The following IER3IP1 variants were observed in gnomAD, a reference collection of about 807,000 sequenced individuals.
IER3IP1 encodes immediate early response 3 interacting protein 1.
In IER3IP1, 16 loss-of-function variants were observed where a neutral mutation model predicts 12.2. That is an observed-to-expected ratio of 1.31 (90% CI 0.89 to 1.99). The LOEUF is 1.99. IER3IP1 is among the 30% of genes most tolerant of loss of function. The pLI is 0.00. For synonymous variants in IER3IP1, 42 were observed against 40.0 expected (o/e 1.05, Z -0.19); for missense variants, 95 against 95.8 (o/e 0.99, Z 0.03).
At chr18:47,163,001 G>C (rs1568072154) in intron 1 of IER3IP1, among the ~76,000 whole-genome samples, 1 of 152,026 alleles carries the variant, frequency 6.6e-6, no homozygotes, top group Non-Finnish European at 1.5e-5. Context: ...AGAAGTATGT[G>C]TACAGTAATC....
chr18:47,163,568 T>C (rs576004281), intron 1 of IER3IP1, among the ~76,000 whole-genome samples: 1 of 152,208 alleles, frequency 6.6e-6, no homozygotes, highest in Non-Finnish European at 1.5e-5. Flanking sequence ...ACTAGTATAC[T>C]TGTGCTCGCT....
intron 1 of IER3IP1, among the ~76,000 whole-genome samples, 165 bp downstream of exon 1, chr18:47,176,022 T>G (rs2064032041): frequency 6.6e-6 from 1 of 152,156 alleles, no homozygotes; most frequent in Non-Finnish European, 1.5e-5. Context: ...CTCCCGGCTG[T>G]TGAGCCCAAA....
Position 47,154,979 on chromosome 18 carries a change from C to G in IER3IP1, c.*1198G>C, listed in dbSNP as rs569156756. On this transcript the variant is annotated 3_prime_UTR_variant, in exon 3 of 3. Transcript: ENST00000256433. The stretch of plus-strand genomic sequence containing the variant: ...AAGAACATATAATAAGAGGTGTTCA[C>G]CCAAAATGGAGATTAATGCAGTTAA... 2.9e-4 allele frequency: 44 copies of G among 152,184 alleles called. No individual in the cohort carries two copies. Among genetic ancestry groups the G allele is most frequent in the African/African-American group, 1.0e-3 (42 of 41,532 alleles). The allele number at this position is 152,184 out of a possible 1,614,324, so 9.4% of individuals were successfully genotyped here.
At chr18:47,163,541 C>G (rs1209392209) in intron 1 of IER3IP1, among the ~76,000 whole-genome samples, 1 of 152,164 alleles carries the variant, frequency 6.6e-6, no homozygotes, top group Non-Finnish European at 1.5e-5. Flanking sequence ...GAAAGCGAAA[C>G]TGTGAAATAA....
chr18:47,166,090 T>C (rs1043067802), intron 1 of IER3IP1, among the ~76,000 whole-genome samples: 1 of 152,166 alleles, frequency 6.6e-6, no homozygotes, highest in African/African-American at 2.4e-5. Flanking sequence ...CAAAATCCAC[T>C]TCATTATGTG....
At chr18:47,158,040 A>G (rs987452012) in intron 1 of IER3IP1, among the ~76,000 whole-genome samples, 3 of 152,210 alleles carry the variant, frequency 2.0e-5, no homozygotes, top group African/African-American at 7.2e-5. Context: ...AGTCAATCAT[A>G]ATACCAAAAT....
chr18:47,175,071 G>A (rs1344434668), intron 1 of IER3IP1, among the ~76,000 whole-genome samples: 1 of 152,152 alleles, frequency 6.6e-6, no homozygotes, highest in African/African-American at 2.4e-5. Context: ...TGTAACTTCA[G>A]TTACTATAAA....
Position 47,172,465 on chromosome 18 carries a change from C to T in IER3IP1, c.91+3722G>A, listed in dbSNP as rs2064018591. ...AGTCCTTAACTTACAGTAGTCCTCC[C>T]CCTTAATCTTGGAGATACACTTCAA... On this transcript the variant is annotated intron_variant, in intron 1 of 2. Transcript: ENST00000256433. The surrounding 1 kb of genome is among the most constrained non-coding windows in gnomAD (Gnocchi z 4.0). Among the ~76,000 whole-genome samples the T allele has an allele frequency of 6.6e-6, 1 of 152,138 alleles. No individual in the cohort carries two copies. Among genetic ancestry groups the T allele is most frequent in the African/African-American group, 2.4e-5 (1 of 41,416 alleles).
chr18:47,163,777 AAAAG>A (rs1222482552), intron 1 of IER3IP1, among the ~76,000 whole-genome samples: 2 of 152,188 alleles, frequency 1.3e-5, no homozygotes, highest in African/African-American at 4.8e-5. Context: ...ACAAAATTTA[AAAAG>A]AAAGCCCTCT....
At chr18:47,159,051 T>C (rs78010471) in intron 1 of IER3IP1, among the ~76,000 whole-genome samples, 1 of 152,134 alleles carries the variant, frequency 6.6e-6, no homozygotes, top group African/African-American at 2.4e-5. Flanking sequence ...CACAAAAAAA[T>C]AGGCAATGAC....
intron 1 of IER3IP1, among the ~76,000 whole-genome samples, chr18:47,173,715 C>G (rs2064022473): frequency 6.6e-6 from 1 of 152,158 alleles, no homozygotes; most frequent in Non-Finnish European, 1.5e-5. Context: ...GGTGGCTTAA[C>G]AGAAATTTTT....
In IER3IP1 at chr18:47,156,078, C is replaced by T; in HGVS notation, c.*99G>A. ...TTCAGCTTTACATTTTTGACAAGTGCAAGGTCAGCCAGCTAAGATATAAAT... is the reference window on the plus strand; with the variant it reads ...TTCAGCTTTACATTTTTGACAAGTGTAAGGTCAGCCAGCTAAGATATAAAT... On this transcript the variant is annotated 3_prime_UTR_variant, in exon 3 of 3. Coordinates refer to ENST00000256433, the MANE Select transcript of IER3IP1 (RefSeq NM_016097.5). 1 of 795,748 alleles carries T rather than the reference C, an allele frequency of 1.3e-6. No individual in the cohort carries two copies. The allele number at this position is 795,748 out of a possible 1,614,324, so 49.3% of individuals were successfully genotyped here.
Position 47,176,355 on chromosome 18 carries a change from G to A in IER3IP1, c.-78C>T, listed in dbSNP as rs1454265813. 5 of 1,288,288 alleles carry A rather than the reference G, an allele frequency of 3.9e-6. No homozygotes were observed. The highest frequency in any genetic ancestry group is 2.5e-5 in the East Asian group (1 of 39,878). 79.8% of individuals were successfully genotyped at this position (1,288,288 alleles called of 1,614,324 possible). On this transcript the variant is annotated 5_prime_UTR_variant, in exon 1 of 3. Transcript: ENST00000256433. Reference sequence around the variant, plus strand: ...GGGACGTGGCGCCTCCACGGCCGGCGCCTTCCTACGGAAGCCGATGGGGCC... The same window carrying A: ...GGGACGTGGCGCCTCCACGGCCGGCACCTTCCTACGGAAGCCGATGGGGCC...
In IER3IP1 at chr18:47,175,383, T is replaced by C. The variant is rs529806342; in HGVS notation, c.91+804A>G. On this transcript the variant is annotated intron_variant, in intron 1 of 2. Coordinates refer to ENST00000256433, the MANE Select transcript of IER3IP1 (RefSeq NM_016097.5). ...AATTCCTAAAGCCCAGGAACACTTATTGCCTTCCATCAGTTAGTGAACTAC... is the reference window on the plus strand; with the variant it reads ...AATTCCTAAAGCCCAGGAACACTTACTGCCTTCCATCAGTTAGTGAACTAC... Among the ~76,000 whole-genome samples the C allele has an allele frequency of 3.0e-4, 45 of 152,312 alleles. No homozygotes were observed. The South Asian group carries it at 8.1e-3, about 27-fold the overall frequency.
At chr18:47,163,575 C>T (rs181380228) in intron 1 of IER3IP1, among the ~76,000 whole-genome samples, 2 of 152,312 alleles carry the variant, frequency 1.3e-5, no homozygotes, top group East Asian at 1.9e-4. Context: ...TACTTGTGCT[C>T]GCTCAAGCCT....
chr18:47,159,883 T>C (rs1017529019), intron 1 of IER3IP1, among the ~76,000 whole-genome samples: 2 of 152,126 alleles, frequency 1.3e-5, no homozygotes, highest in Non-Finnish European at 2.9e-5. Flanking sequence ...TACATCAACA[T>C]GAGCTTTCCC....
chr18:47,158,639 T>C (rs1019207962), intron 1 of IER3IP1, among the ~76,000 whole-genome samples: 1 of 151,864 alleles, frequency 6.6e-6, no homozygotes, highest in Non-Finnish European at 1.5e-5. Flanking sequence ...AGCCCTCATT[T>C]ACGTTTTTAA....
intron 1 of IER3IP1, among the ~76,000 whole-genome samples, chr18:47,168,051 G>C (rs765290602): frequency 1.6e-4 from 23 of 147,736 alleles, no homozygotes; most frequent in Non-Finnish European, 3.0e-4. Context: ...ACTTGAACCT[G>C]GGAAGCAGAG....
rs143201693 is a variant in IER3IP1, at chr18:47,159,670, G to A, written c.92-2133C>T. Among the ~76,000 whole-genome samples, 972 of 152,298 alleles carry A rather than the reference G, an allele frequency of 6.4e-3. 15 individuals carry two copies. Among genetic ancestry groups the A allele is most frequent in the Middle Eastern group, 0.02 (6 of 294 alleles). ...CAACATGTGATAATGTGTTATTACA[G>A]GGAGAGATTATGGGCAATTGCATGG... On this transcript the variant is annotated intron_variant, in intron 1 of 2. Transcript: ENST00000256433.
Sources: allele counts gnomAD v4.1 joint callset (sites outside exome capture counted in the v4.1 genomes callset), GRCh38; gene constraint gnomAD v4.1.1; non-coding constraint Gnocchi (gnomAD v3.1); transcripts MANE v1.5; gene names NCBI Gene and HGNC (gene_info 2026-07-23, HGNC 2026-07-21).